The following SCAF8 variants were observed in gnomAD, a reference collection of about 807,000 sequenced individuals.
SCAF8 encodes SR-related and CTD-associated factor 8.
SCAF8 carries 23 observed loss-of-function variants against 140.5 expected under a neutral mutation model. That is an observed-to-expected ratio of 0.16 (90% CI 0.12 to 0.23). SCAF8 has a LOEUF of 0.23. SCAF8 is among the 10% of genes least tolerant of loss of function. SCAF8 has a pLI of 1.00. For missense variants in SCAF8, 1,397 were observed against 1,555.7 expected (o/e 0.90, Z 1.72); for synonymous variants, 575 against 528.9 (o/e 1.09, Z -1.20).
chr6:154,808,933 C>A, intron 11 of SCAF8, 135 bp downstream of exon 11: 1 of 620,752 alleles, frequency 1.6e-6, no homozygotes, highest in Non-Finnish European at 2.8e-6. Context: ...AAAGTTATTC[C>A]AAAAACAAGA....
At chr6:154,769,337 T>C (rs555954267) in intron 1 of SCAF8, among the ~76,000 whole-genome samples, 2 of 152,288 alleles carry the variant, frequency 1.3e-5, no homozygotes, top group East Asian at 3.9e-4. Flanking sequence ...AAAACAAAGC[T>C]TTGGTCTGCT....
chr6:154,767,701 A>G (rs1418051770), intron 1 of SCAF8, among the ~76,000 whole-genome samples: 1 of 151,362 alleles, frequency 6.6e-6, no homozygotes, highest in Admixed American at 6.6e-5. Flanking sequence ...TGCCTGGCTA[A>G]TATTTTTTTG....
intron 1 of SCAF8, among the ~76,000 whole-genome samples, chr6:154,764,247 C>T (rs1409364192): frequency 6.6e-6 from 1 of 150,708 alleles, no homozygotes; most frequent in East Asian, 2.0e-4. Flanking sequence ...ACACTGAAAA[C>T]CAAGGCTCTT....
intron 1 of SCAF8, among the ~76,000 whole-genome samples, chr6:154,772,731 G>A (rs1472862323): frequency 6.6e-6 from 1 of 151,994 alleles, no homozygotes; most frequent in Non-Finnish European, 1.5e-5. Flanking sequence ...GATGGGGTGG[G>A]ATTATTGTTA....
intron 1 of SCAF8, among the ~76,000 whole-genome samples, chr6:154,755,965 G>A (rs1319714333): frequency 6.6e-6 from 1 of 152,196 alleles, no homozygotes; most frequent in Non-Finnish European, 1.5e-5. Context: ...TAGCCTGGAA[G>A]CGGAATCATA....
At chr6:154,775,420 T>C (rs1446189799) in intron 2 of SCAF8, among the ~76,000 whole-genome samples, 1 of 152,238 alleles carries the variant, frequency 6.6e-6, no homozygotes, top group Non-Finnish European at 1.5e-5. Context: ...TGTATTTTTT[T>C]CTGTGAAAAT....
At chr6:154,812,794 G>A (rs1407138430) in intron 12 of SCAF8, among the ~76,000 whole-genome samples, 1 of 152,116 alleles carries the variant, frequency 6.6e-6, no homozygotes, top group Non-Finnish European at 1.5e-5. Context: ...AAATAATGGA[G>A]TTTCCTATGG....
chr6:154,741,707 C>T (rs962503432), intron 1 of SCAF8, among the ~76,000 whole-genome samples: 13 of 151,980 alleles, frequency 8.6e-5, no homozygotes, highest in South Asian at 2.1e-4. Flanking sequence ...GCGCCCGGCC[C>T]GTTTGCATCT....
chr6:154,736,470 T>C (rs535676586), intron 1 of SCAF8, among the ~76,000 whole-genome samples: 56 of 151,546 alleles, frequency 3.7e-4, no homozygotes, highest in Admixed American at 1.1e-3. Flanking sequence ...TGGGGTTTCA[T>C]CACGTTGGCC....
intron 1 of SCAF8, among the ~76,000 whole-genome samples, chr6:154,760,544 CATT>C (rs1293816887): frequency 6.6e-6 from 1 of 152,126 alleles, no homozygotes; most frequent in Non-Finnish European, 1.5e-5. Context: ...CTCTTCACCA[CATT>C]ATTGCATACT....
At chr6:154,765,039 TTGTAGA>T (rs1202177745) in intron 1 of SCAF8, among the ~76,000 whole-genome samples, 2 of 152,174 alleles carry the variant, frequency 1.3e-5, no homozygotes, top group Admixed American at 1.3e-4. Flanking sequence ...TTGTAATGTC[TTGTAGA>T]TGTAAGTACA....
At chr6:154,807,461 A>C (rs1397949751) in intron 9 of SCAF8, among the ~76,000 whole-genome samples, 1 of 151,838 alleles carries the variant, frequency 6.6e-6, no homozygotes, top group Admixed American at 6.6e-5. Flanking sequence ...GCTCACTGCT[A>C]CCTCCGCCTC....
Position 154,832,448 on chromosome 6 carries a change from G to A in SCAF8, c.2869G>A (p.Val957Ile), listed in dbSNP as rs1417039371. 1 of 1,614,066 alleles carries A rather than the reference G, an allele frequency of 6.2e-7. No homozygotes were observed. The highest frequency in any genetic ancestry group is 2.2e-5 in the East Asian group (1 of 44,890). The change falls in exon 20 of 20, where the codon GTA becomes ATA. Residue 957 changes from valine (V) to isoleucine (I), a missense_variant. By Grantham distance (29) the Val-to-Ile change is conservative. Around this residue, in one of 5 missense-constraint regions of SCAF8, gnomAD observed 930 missense variants for 874.6 expected, o/e 1.06. Coordinates refer to ENST00000367178, the MANE Select transcript of SCAF8 (RefSeq NM_014892.5). Reference protein sequence around the residue: ...PPQRGIPPPSVLDSALHPPPR... With the variant: ...PPQRGIPPPSILDSALHPPPR... ...CCAACGGGGAATCCCACCCCCATCG[G>A]TACTTGATTCAGCTCTTCATCCACC...
intron 17 of SCAF8, among the ~76,000 whole-genome samples, chr6:154,824,635 A>T (rs1426464492): frequency 6.6e-6 from 1 of 152,064 alleles, no homozygotes; most frequent in African/African-American, 2.4e-5. Context: ...GAAATATTGA[A>T]TTTCTTTAGA....
In SCAF8 at chr6:154,833,565, T is replaced by A. The variant is rs1778815694; in HGVS notation, c.*170T>A. 1.7e-6 allele frequency: 1 copy of A among 590,170 alleles called. No homozygotes were observed. Among genetic ancestry groups the A allele is most frequent in the African/African-American group, 1.9e-5 (1 of 52,652 alleles). 36.6% of individuals were successfully genotyped at this position (590,170 alleles called of 1,614,324 possible). ...TTGTACAACTGACTTGTATAGACAT[T>A]GTTCTTAATATGAACATGGTAGGTA... On this transcript the variant is annotated 3_prime_UTR_variant, in exon 20 of 20. Coordinates refer to ENST00000367178, the MANE Select transcript of SCAF8 (RefSeq NM_014892.5).
Position 154,808,165 on chromosome 6 carries a change from A to G in SCAF8, c.1077A>G (p.Glu359=), listed in dbSNP as rs573930926. The part of the protein sequence containing the change: ...GSSQQHFLEP[E]VNLDDSIDIQ... ...GTCAGCAGCATTTTCTTGAACCTGA[A>G]GTCAATTTGGATGATTCCATAGATA... is the stretch of plus-strand genomic sequence containing the variant. The change falls in exon 10 of 20, where the codon GAA becomes GAG. Residue 359 remains glutamate, a synonymous_variant. Coordinates refer to ENST00000367178, the MANE Select transcript of SCAF8 (RefSeq NM_014892.5). The G allele has an allele frequency of 6.2e-7, 1 of 1,613,948 alleles. No individual in the cohort carries two copies. Among genetic ancestry groups the G allele is most frequent in the South Asian group, 1.1e-5 (1 of 91,082 alleles).
intron 3 of SCAF8, among the ~76,000 whole-genome samples, chr6:154,780,597 C>G (rs1777058407): frequency 6.6e-6 from 1 of 151,876 alleles, no homozygotes; most frequent in Non-Finnish European, 1.5e-5. Context: ...TGTTCAACTC[C>G]CACTTACGAG....
rs116828072 is a variant in SCAF8, at chr6:154,774,272, C to G, written c.114+200C>G. On this transcript the variant is annotated intron_variant, in intron 2 of 19. Coordinates refer to ENST00000367178, the MANE Select transcript of SCAF8 (RefSeq NM_014892.5). ...TAAACATTTAATGTTTATTATTACT[C>G]TTTTTTAGAGACAATGTCTTATTCT... Among the ~76,000 whole-genome samples the G allele has an allele frequency of 9.5e-3, 1,441 of 152,176 alleles. 26 individuals carry two copies. The highest frequency in any genetic ancestry group is 0.033 in the African/African-American group (1,368 of 41,508).
At chr6:154,807,951 TTC>T (rs1357081809) in intron 9 of SCAF8, 117 bp from the exon 10 acceptor site, 1 of 813,322 alleles carries the variant, frequency 1.2e-6, no homozygotes, top group Non-Finnish European at 1.9e-6. Context: ...AACATGGAAT[TTC>T]TTTTATGTAT....
Sources: allele counts gnomAD v4.1 joint callset (sites outside exome capture counted in the v4.1 genomes callset), GRCh38; gene constraint gnomAD v4.1.1; regional missense constraint gnomAD v4.1.1; transcripts MANE v1.5; gene names NCBI Gene and HGNC (gene_info 2026-07-23, HGNC 2026-07-21).